NARS2: variants seen among roughly 807,000 people sequenced by gnomAD.
The protein encoded by NARS2 is asparaginyl-tRNA synthetase 2, mitochondrial.
Under a neutral mutation model 62.9 loss-of-function variants are expected in NARS2, and 60 were observed. The observed-to-expected ratio is 0.95, with a 90% CI of 0.77 to 1.18. The LOEUF (loss-of-function observed/expected upper bound fraction) is 1.18, where lower values mean the gene tolerates loss of function less well. Among genes scored for constraint, NARS2 ranks in the 50% most tolerant of loss-of-function variants. The probability of loss-of-function intolerance (pLI) is 0.00; values close to 1 mark genes in which losing one functional copy is unlikely to be tolerated. For synonymous variants in NARS2, 196 were observed against 200.0 expected, an observed-to-expected ratio of 0.98 and a Z score of 0.17; for missense variants, 619 against 576.4, an observed-to-expected ratio of 1.07 and a Z score of -0.76.
intron 12 of NARS2, among the ~76,000 whole-genome samples, chr11:78,443,264 T>C (rs371518650): frequency 2.0e-5 from 3 of 150,262 alleles, no homozygotes; most frequent in African/African-American, 4.9e-5. Context: ...GAGGCAGAGC[T>C]TGCAGTGAGC....
intron 6 of NARS2, among the ~76,000 whole-genome samples, chr11:78,506,637 C>G (rs1028927616): frequency 6.6e-6 from 1 of 152,204 alleles, no homozygotes; most frequent in Non-Finnish European, 1.5e-5. Flanking sequence ...TGGGCTCAAG[C>G]AATTCTCCTG....
In NARS2 at chr11:78,559,524, G is replaced by A; in HGVS notation, c.594+15C>T. 1 of 1,555,034 alleles carries A rather than the reference G, an allele frequency of 6.4e-7. No individual in the cohort carries two copies. Among genetic ancestry groups the A allele is most frequent in the South Asian group, 1.1e-5 (1 of 89,662 alleles). Reference sequence around the variant, plus strand: ...AAACAGCAATGTACCCCTCAAGATGGGAAGCAAAACTTACTTCAAGTTGAA... The same window carrying A: ...AAACAGCAATGTACCCCTCAAGATGAGAAGCAAAACTTACTTCAAGTTGAA... On this transcript the variant is annotated intron_variant, in intron 5 of 13. Coordinates refer to ENST00000281038, the MANE Select transcript of NARS2 (RefSeq NM_024678.6).
At chr11:78,493,876 A>C (rs148724109) in intron 6 of NARS2, among the ~76,000 whole-genome samples, 151 of 152,290 alleles carry the variant, frequency 9.9e-4, no homozygotes, top group African/African-American at 3.5e-3. Context: ...AAAACACCGC[A>C]GCCCAAGAAA....
At position 78,533,764 on chromosome 11, in the gene NARS2, A is replaced by G. The variant is rs143004292; in HGVS notation, c.595-4828T>C. Among the ~76,000 whole-genome samples the G allele has an allele frequency of 9.4e-3, 1,427 of 152,272 alleles. 10 individuals are homozygous for G. The highest frequency in any genetic ancestry group is 0.017 in the Middle Eastern group (5 of 294). On this transcript the variant is annotated intron_variant, in intron 5 of 13. Coordinates refer to ENST00000281038, the MANE Select transcript of NARS2 (RefSeq NM_024678.6). ...TATCCACCACTACAGTATCATACAG[A>G]ATAGTTTCACTGCCCTAAAAATATG...
chr11:78,492,621 T>C (rs550162480), intron 7 of NARS2, among the ~76,000 whole-genome samples: 135 of 152,356 alleles, frequency 8.9e-4, no homozygotes, highest in African/African-American at 3.2e-3. Flanking sequence ...TAGGGGTTTA[T>C]GTAAGTATTA....
intron 11 of NARS2, among the ~76,000 whole-genome samples, chr11:78,451,499 T>C (rs1247300078): frequency 2.6e-5 from 4 of 152,064 alleles, no homozygotes; most frequent in African/African-American, 9.7e-5. Flanking sequence ...CGGTTAAGAG[T>C]GCAGGCAGGT....
chr11:78,556,687 T>C (rs1004857293), intron 5 of NARS2, among the ~76,000 whole-genome samples: 3 of 152,230 alleles, frequency 2.0e-5, no homozygotes, highest in Non-Finnish European at 2.9e-5. Flanking sequence ...GAAAGTCAAT[T>C]AAGATCTTTA....
intron 5 of NARS2, among the ~76,000 whole-genome samples, chr11:78,542,274 C>T (rs919914348): frequency 3.3e-5 from 5 of 152,058 alleles, no homozygotes; most frequent in South Asian, 2.1e-4. Flanking sequence ...AGAAAAGACG[C>T]GTGGAGTCTA....
chr11:78,574,759 G>GC lies in NARS2; in HGVS notation c.-272dup. 6.8e-6 allele frequency: 3 copies of GC among 440,924 alleles called. No individual in the cohort carries two copies. In the Admixed American group the frequency reaches 1.2e-4, roughly 18 times the overall value. 27.3% of individuals were successfully genotyped at this position (440,924 alleles called of 1,614,324 possible). A position where few individuals can be genotyped will look rare whatever the true frequency, so the allele number is the denominator to read the frequency against. The stretch of plus-strand genomic sequence containing the variant: ...ACCACGTGCAGTTGGCAGCTGGGGC[G>GC]CCCCACTACCCGCGACAATTGTAAA... On this transcript the variant is annotated 5_prime_UTR_variant, in exon 1 of 14. Transcript: ENST00000281038.
chr11:78,554,500 C>CGTGTGCGCGTGTGT (rs1555041386), intron 5 of NARS2, among the ~76,000 whole-genome samples: 1 of 42,498 alleles, frequency 2.4e-5, no homozygotes, highest in Admixed American at 2.3e-4. Context: ...TATTCCTAGG[C>CGTGTGCGCGTGTGT]GTGTGTGCGT....
intron 6 of NARS2, among the ~76,000 whole-genome samples, chr11:78,504,827 C>G (rs1450231158): frequency 6.6e-6 from 1 of 152,038 alleles, no homozygotes; most frequent in Non-Finnish European, 1.5e-5. Flanking sequence ...AGGGTGATCA[C>G]AGGTCTTGGT....
At chr11:78,461,060 G>A (rs1333180614) in intron 11 of NARS2, among the ~76,000 whole-genome samples, 1 of 152,174 alleles carries the variant, frequency 6.6e-6, no homozygotes, top group Non-Finnish European at 1.5e-5. Flanking sequence ...TTACATAAGG[G>A]ACTCATTAGT....
At chr11:78,484,381 T>C (rs141261709) in intron 7 of NARS2, among the ~76,000 whole-genome samples, 2,274 of 152,040 alleles carry the variant, frequency 0.015, 58 homozygotes, top group African/African-American at 0.052. Flanking sequence ...AAAGCCAAAA[T>C]TGACAAATGG....
chr11:78,571,386 C>T lies in NARS2; in HGVS notation c.200G>A (p.Gly67Glu). The change falls in exon 2 of 14, where the codon GGG becomes GAG. Residue 67 changes from glycine (G) to glutamate (E), a missense_variant. By Grantham distance (98) the Gly-to-Glu change is moderately conservative. Coordinates refer to ENST00000281038, the MANE Select transcript of NARS2 (RefSeq NM_024678.6). ...AACCTGAAGGCTTTCCAAAGATGACCCATCATTTACATGCAGGAACAAGAC... is the reference window on the plus strand; with the variant it reads ...AACCTGAAGGCTTTCCAAAGATGACTCATCATTTACATGCAGGAACAAGAC... ...KEVLFLHVND[G>E]SSLESLQVVA... The T allele has an allele frequency of 6.2e-7, 1 of 1,613,404 alleles. No homozygotes were observed. Among genetic ancestry groups the T allele is most frequent in the South Asian group, 1.1e-5 (1 of 91,020 alleles).
chr11:78,533,920 GT>G (rs1861572402), intron 5 of NARS2, among the ~76,000 whole-genome samples: 1 of 152,016 alleles, frequency 6.6e-6, no homozygotes, highest in African/African-American at 2.4e-5. Flanking sequence ...TTTCAGATTG[GT>G]CTCTTTGACT....
intron 5 of NARS2, among the ~76,000 whole-genome samples, chr11:78,547,437 T>C (rs926862419): frequency 3.2e-4 from 49 of 152,168 alleles, no homozygotes; most frequent in African/African-American, 1.1e-3. Flanking sequence ...AGTAAAAGAA[T>C]AGGTTAAATA....
intron 4 of NARS2, among the ~76,000 whole-genome samples, chr11:78,563,782 G>T (rs1304182604): frequency 9.2e-6 from 1 of 108,128 alleles, no homozygotes; most frequent in Non-Finnish European, 1.7e-5. Context: ...AGTGAGCCAA[G>T]ATCATGCCAC....
chr11:78,437,461 T>A (rs1329285685), intron 13 of NARS2, among the ~76,000 whole-genome samples: 1 of 151,964 alleles, frequency 6.6e-6, no homozygotes, highest in Non-Finnish European at 1.5e-5. Context: ...ATGCCCAGAG[T>A]CATTTAGCTG....
intron 11 of NARS2, among the ~76,000 whole-genome samples, chr11:78,450,199 C>A (rs910803059): frequency 2.0e-5 from 3 of 152,190 alleles, no homozygotes; most frequent in Non-Finnish European, 4.4e-5. Context: ...GACTCTTAAA[C>A]TTCCACCCTC....
Sources: allele counts gnomAD v4.1 joint callset (sites outside exome capture counted in the v4.1 genomes callset), GRCh38; gene constraint gnomAD v4.1.1; transcripts MANE v1.5; gene names NCBI Gene and HGNC (gene_info 2026-07-23, HGNC 2026-07-21).